Variants in NBEA observed in about 807,000 individuals in gnomAD.
NBEA encodes lysosomal-trafficking regulator 2.
A neutral mutation model predicts 343.4 loss-of-function variants in NBEA; 44 were observed. That is an observed-to-expected ratio of 0.13 (90% CI 0.10 to 0.16). The LOEUF (loss-of-function observed/expected upper bound fraction) is 0.16. NBEA is among the 10% of genes least tolerant of loss of function. The probability of loss-of-function intolerance (pLI) is 1.00; values close to 1 mark genes in which losing one functional copy is unlikely to be tolerated. For synonymous variants in NBEA, 1,175 were observed against 1,238.7 expected, an observed-to-expected ratio of 0.95 and a Z score of 1.08; for missense variants, 2,555 against 3,631.3, an observed-to-expected ratio of 0.70 and a Z score of 7.62.
intron 47 of NBEA, among the ~76,000 whole-genome samples, chr13:35,603,203 G>T (rs1180237416): frequency 6.6e-6 from 1 of 152,024 alleles, no homozygotes; most frequent in Admixed American, 6.6e-5. Flanking sequence ...GTATTCCCCA[G>T]ATTTCTAGTC....
At chr13:35,345,328 A>G (rs1339723158) in intron 36 of NBEA, among the ~76,000 whole-genome samples, 3 of 152,140 alleles carry the variant, frequency 2.0e-5, no homozygotes, top group Admixed American at 6.6e-5. Context: ...TCTGAACAAC[A>G]TATTGCTTTG....
At chr13:35,190,262 G>A (rs1032986717) in intron 30 of NBEA, among the ~76,000 whole-genome samples, 4 of 152,094 alleles carry the variant, frequency 2.6e-5, no homozygotes, top group African/African-American at 9.7e-5. Flanking sequence ...GACAGTGCCA[G>A]TTGGGGCAAA....
At chr13:35,262,652 T>G (rs747009492) in intron 34 of NBEA, among the ~76,000 whole-genome samples, 25 of 152,138 alleles carry the variant, frequency 1.6e-4, no homozygotes, top group Non-Finnish European at 3.4e-4. Flanking sequence ...GAAAATGGAT[T>G]AGTGGTGGCC....
At chr13:35,212,673 T>C (rs1293289404) in intron 33 of NBEA, among the ~76,000 whole-genome samples, 1 of 152,140 alleles carries the variant, frequency 6.6e-6, no homozygotes, top group African/African-American at 2.4e-5. Context: ...GTCTTGTTGC[T>C]TCATATCTTT....
At chr13:35,498,885 T>G (rs1265442052) in intron 41 of NBEA, among the ~76,000 whole-genome samples, 1 of 152,068 alleles carries the variant, frequency 6.6e-6, no homozygotes, top group Non-Finnish European at 1.5e-5. Context: ...TTTTCTGATA[T>G]TATTGATGAG....
chr13:34,974,970 G>C (rs1417137616), intron 1 of NBEA, among the ~76,000 whole-genome samples: 1 of 152,138 alleles, frequency 6.6e-6, no homozygotes, highest in East Asian at 1.9e-4. Flanking sequence ...TTTTTACCCG[G>C]TAGTAGCTCA....
rs566853568 is a variant in NBEA, at chr13:35,671,170, C to T, written c.*179C>T. 1.5e-4 allele frequency: 85 copies of T among 553,200 alleles called. No homozygotes were observed. Among genetic ancestry groups the T allele is most frequent in the Admixed American group, 4.6e-4 (15 of 32,854 alleles). 34.3% of individuals were successfully genotyped at this position (553,200 alleles called of 1,614,324 possible). A position where few individuals can be genotyped will look rare whatever the true frequency, so the allele number is the denominator to read the frequency against. On this transcript the variant is annotated 3_prime_UTR_variant, in exon 59 of 59. Coordinates refer to ENST00000379939, the MANE Select transcript of NBEA (RefSeq NM_001385012.1). ...TTTTACTTTGTGTGTTTTTTCACGA[C>T]TGAACACCAGCTGCTATCAAGCAAG...
chr13:35,268,594 CCAA>C (rs941177896), intron 34 of NBEA, among the ~76,000 whole-genome samples: 20 of 151,964 alleles, frequency 1.3e-4, no homozygotes, highest in African/African-American at 3.6e-4. Flanking sequence ...CACAAACACG[CCAA>C]CAACAACAAA....
intron 39 of NBEA, among the ~76,000 whole-genome samples, chr13:35,443,496 T>A (rs2045849028): frequency 6.6e-6 from 1 of 152,022 alleles, no homozygotes; most frequent in Admixed American, 6.6e-5. Context: ...GGAATCATGG[T>A]TAGATCCAAC....
intron 41 of NBEA, among the ~76,000 whole-genome samples, chr13:35,540,127 A>G (rs952855782): frequency 3.3e-5 from 5 of 152,034 alleles, no homozygotes; most frequent in African/African-American, 1.2e-4. Context: ...ACTTTTAAAA[A>G]GAGAAAATAA....
intron 38 of NBEA, among the ~76,000 whole-genome samples, chr13:35,368,624 G>C (rs1261893122): frequency 6.6e-6 from 1 of 151,234 alleles, no homozygotes; most frequent in Non-Finnish European, 1.5e-5. Context: ...TTGTTCGTTT[G>C]TTACTTCTTG....
intron 40 of NBEA, among the ~76,000 whole-genome samples, chr13:35,461,312 T>C (rs2046892139): frequency 1.3e-5 from 2 of 152,238 alleles, no homozygotes; most frequent in Non-Finnish European, 2.9e-5. Flanking sequence ...CTGTTCTTTC[T>C]TAATACAGTG....
chr13:35,147,026 A>C (rs201624369), intron 18 of NBEA, among the ~76,000 whole-genome samples: 3 of 152,146 alleles, frequency 2.0e-5, no homozygotes, highest in African/African-American at 7.2e-5. Context: ...CTCTGGAACA[A>C]AGCTGGGTTT....
intron 38 of NBEA, among the ~76,000 whole-genome samples, chr13:35,427,229 T>G (rs2044745730): frequency 1.3e-5 from 2 of 152,160 alleles, no homozygotes; most frequent in South Asian, 4.1e-4. Flanking sequence ...GAGTTTCCAG[T>G]TTTTCTGCTC....
intron 12 of NBEA, among the ~76,000 whole-genome samples, chr13:35,109,949 G>T (rs893310056): frequency 2.7e-5 from 4 of 146,508 alleles, no homozygotes; most frequent in African/African-American, 7.6e-5. Context: ...GGGATATTTT[G>T]ATTTTGAGCT....
At chr13:35,530,579 C>G (rs2078213856) in intron 41 of NBEA, among the ~76,000 whole-genome samples, 1 of 152,152 alleles carries the variant, frequency 6.6e-6, no homozygotes, top group Non-Finnish European at 1.5e-5. Context: ...TTTTTGTTTC[C>G]TTCCCCTTTG....
chr13:35,226,033 C>A (rs2074632725), intron 33 of NBEA, among the ~76,000 whole-genome samples: 1 of 152,082 alleles, frequency 6.6e-6, no homozygotes, highest in South Asian at 2.1e-4. Flanking sequence ...CTACAAAATG[C>A]TCATTAACTG....
At chr13:35,010,576 CAAA>C (rs1194549300) in intron 1 of NBEA, among the ~76,000 whole-genome samples, 4 of 64,738 alleles carry the variant, frequency 6.2e-5, no homozygotes, top group Admixed American at 1.9e-4. Context: ...GACCCTGTCT[CAAA>C]AAAAAAAAAA....
At chr13:35,208,037 T>C (rs2073512155) in intron 31 of NBEA, among the ~76,000 whole-genome samples, 1 of 152,058 alleles carries the variant, frequency 6.6e-6, no homozygotes, top group South Asian at 2.1e-4. Context: ...CTGACCAACA[T>C]AGTGAAACCC....
Sources: gnomAD v4.1 joint callset for allele counts (sites outside exome capture counted in the v4.1 genomes callset) on GRCh38, gnomAD v4.1.1 for gene constraint, MANE v1.5 for transcripts, NCBI Gene and HGNC (gene_info 2026-07-23, HGNC 2026-07-21) for gene names.